GALNTL6: variants seen among roughly 807,000 people sequenced by gnomAD.
GALNTL6 encodes polypeptide N-acetylgalactosaminyltransferase-like 6.
A neutral mutation model predicts 73.7 loss-of-function variants in GALNTL6; 46 were observed. That is an observed-to-expected ratio of 0.62 (90% confidence interval 0.49 to 0.80). GALNTL6 has a LOEUF of 0.80. Among genes scored for constraint, GALNTL6 ranks in the 30% least tolerant of loss-of-function variants. The pLI is 0.00. For synonymous variants in GALNTL6, 259 were observed against 263.7 expected (o/e 0.98, Z 0.17); for missense variants, 604 against 755.0 (o/e 0.80, Z 2.34).
chr4:172,093,803 G>C (rs182674489), intron 2 of GALNTL6, among the ~76,000 whole-genome samples: 53 of 152,328 alleles, frequency 3.5e-4, no homozygotes, highest in African/African-American at 1.3e-3. Context: ...GGCTTCTTGA[G>C]AGAAGATCAT....
At chr4:172,764,279 T>C (rs1477291167) in intron 5 of GALNTL6, among the ~76,000 whole-genome samples, 4 of 152,130 alleles carry the variant, frequency 2.6e-5, no homozygotes, top group African/African-American at 7.2e-5. Flanking sequence ...TTCTAACAAA[T>C]TGAGAGAAAA....
intron 8 of GALNTL6, among the ~76,000 whole-genome samples, chr4:172,926,958 C>T (rs1748090084): frequency 6.6e-6 from 1 of 152,092 alleles, no homozygotes; most frequent in Admixed American, 6.6e-5. Flanking sequence ...TATAATAAAT[C>T]CAAAATCTTG....
chr4:172,042,056 C>A (rs1742101431), intron 2 of GALNTL6, among the ~76,000 whole-genome samples: 1 of 152,014 alleles, frequency 6.6e-6, no homozygotes, highest in Admixed American at 6.6e-5. Context: ...GGGTATTCAG[C>A]CACCTTCCAG....
At chr4:172,473,247 C>T (rs1048469110) in intron 5 of GALNTL6, among the ~76,000 whole-genome samples, 1 of 152,090 alleles carries the variant, frequency 6.6e-6, no homozygotes, top group Non-Finnish European at 1.5e-5. Context: ...ACATCATTTG[C>T]CTACTCTCTA....
At chr4:172,785,042 C>T (rs766474235) in intron 5 of GALNTL6, among the ~76,000 whole-genome samples, 4 of 152,000 alleles carry the variant, frequency 2.6e-5, no homozygotes, top group Admixed American at 6.6e-5. Context: ...GTCAAGAAAA[C>T]GATATTATAC....
intron 2 of GALNTL6, among the ~76,000 whole-genome samples, chr4:172,002,273 G>A (rs1443265629): frequency 1.3e-5 from 2 of 152,154 alleles, no homozygotes; most frequent in African/African-American, 2.4e-5. Context: ...TTTTTGGGAG[G>A]TAATTAGATC....
rs545587997 is a variant in GALNTL6 at position 172,584,260 on chromosome 4, CAAGTA to C, written c.554-225097_554-225093del. ...AGCAGAATGATGTTTGAGGGCTAGC[CAAGTA>C]AAGAGGTGGAAAAGTGTATTCCTAA... On this transcript the variant is annotated intron_variant, in intron 5 of 12. Coordinates refer to ENST00000506823, the MANE Select transcript of GALNTL6 (RefSeq NM_001034845.3). Among the ~76,000 whole-genome samples, 5 of 152,014 alleles carry C rather than the reference CAAGTA, an allele frequency of 3.3e-5. 1 individual carries two copies. In the South Asian group the frequency reaches 8.3e-4, roughly 25 times the overall value.
rs60870698 is a variant in GALNTL6 at position 172,831,157 on chromosome 4, C to CAAAAAAAA, written c.923+17460_923+17467dup. On this transcript the variant is annotated intron_variant, in intron 7 of 12. Transcript: ENST00000506823. ...TGGGTGACAGAATGAGACTCCCTCT[C>CAAAAAAAA]AAAAAAAAAAAAAAAAAAAAAAAAA... Among the ~76,000 whole-genome samples, 319 of 63,890 alleles carry CAAAAAAAA rather than the reference C, an allele frequency of 5.0e-3. 8 individuals carry two copies. The highest frequency in any genetic ancestry group is 6.3e-3 in the Non-Finnish European group (224 of 35,598). The allele number at this position is 63,890 out of a possible 152,430, so 41.9% of individuals were successfully genotyped here.
Position 172,503,633 on chromosome 4 carries a change from A to C in GALNTL6, c.553+154944A>C, listed in dbSNP as rs570400934. On this transcript the variant is annotated intron_variant, in intron 5 of 12. Transcript: ENST00000506823. ...GCATGTAAAATTAATACAGATACTT[A>C]AAAAATGTACACTACTATGGAATTT... 7.3e-5 allele frequency among the ~76,000 whole-genome samples: 11 copies of C among 151,064 alleles called. No individual in the cohort carries two copies. In the South Asian group the frequency reaches 1.2e-3, roughly 17 times the overall value.
At chr4:172,061,498 A>G (rs754787208) in intron 2 of GALNTL6, among the ~76,000 whole-genome samples, 1 of 152,196 alleles carries the variant, frequency 6.6e-6, no homozygotes, top group Non-Finnish European at 1.5e-5. Flanking sequence ...TGTTTTGGTC[A>G]TATCATTTCA....
chr4:171,848,996 G>A (rs185194536), intron 2 of GALNTL6, among the ~76,000 whole-genome samples: 34 of 152,114 alleles, frequency 2.2e-4, no homozygotes, highest in African/African-American at 7.7e-4. Flanking sequence ...TTGCCTAGTG[G>A]TGAGTCTGGG....
chr4:171,964,246 T>G (rs1350329852), intron 2 of GALNTL6, among the ~76,000 whole-genome samples: 2 of 152,110 alleles, frequency 1.3e-5, no homozygotes, highest in Non-Finnish European at 2.9e-5. Context: ...GCAGAGTAAC[T>G]TGTTAGTTTC....
At chr4:172,025,115 A>G (rs1419513514) in intron 2 of GALNTL6, among the ~76,000 whole-genome samples, 1 of 152,018 alleles carries the variant, frequency 6.6e-6, no homozygotes, top group Non-Finnish European at 1.5e-5. Flanking sequence ...TAGGTAGGTC[A>G]AGGGGTTTTT....
At chr4:172,081,663 T>A (rs1306175356) in intron 2 of GALNTL6, among the ~76,000 whole-genome samples, 3 of 151,876 alleles carry the variant, frequency 2.0e-5, no homozygotes, top group Admixed American at 6.6e-5. Context: ...TTTAAAAAAA[T>A]TGACAATCTC....
chr4:172,447,960 A>G (rs780062091), intron 5 of GALNTL6, among the ~76,000 whole-genome samples: 10 of 152,210 alleles, frequency 6.6e-5, no homozygotes, highest in Non-Finnish European at 1.5e-4. Flanking sequence ...AACTTAGGAG[A>G]TTATTATAAA....
intron 3 of GALNTL6, among the ~76,000 whole-genome samples, chr4:172,272,073 C>A (rs541705869): frequency 3.9e-5 from 6 of 152,136 alleles, no homozygotes; most frequent in African/African-American, 1.4e-4. Flanking sequence ...CTGCTTCAGC[C>A]TCCCGAGTAG....
chr4:172,615,542 A>T (rs910700775), intron 5 of GALNTL6, among the ~76,000 whole-genome samples: 7 of 152,142 alleles, frequency 4.6e-5, no homozygotes, highest in Non-Finnish European at 7.4e-5. Context: ...ATAAACTGAA[A>T]ATGCTCTTTC....
chr4:172,073,894 C>A (rs1485487275), intron 2 of GALNTL6, among the ~76,000 whole-genome samples: 2 of 152,276 alleles, frequency 1.3e-5, no homozygotes, highest in African/African-American at 2.4e-5. Flanking sequence ...CAAAATCAAG[C>A]CTTATGTTAA....
chr4:171,847,405 C>T (rs1189540771), intron 2 of GALNTL6, among the ~76,000 whole-genome samples: 1 of 152,112 alleles, frequency 6.6e-6, no homozygotes, highest in Non-Finnish European at 1.5e-5. Context: ...TTGATGGATG[C>T]TATCAGGGTA....
Sources: gnomAD v4.1 joint callset for allele counts (sites outside exome capture counted in the v4.1 genomes callset) on GRCh38, gnomAD v4.1.1 for gene constraint, MANE v1.5 for transcripts, NCBI Gene and HGNC (gene_info 2026-07-23, HGNC 2026-07-21) for gene names.